Variants in ZNF606 observed in about 807,000 individuals in gnomAD.
The protein encoded by ZNF606 is zinc finger protein 606.
ZNF606 carries 37 observed loss-of-function variants against 74.9 expected under a neutral mutation model. That is an observed-to-expected ratio of 0.49 (90% CI 0.38 to 0.65). The LOEUF (loss-of-function observed/expected upper bound fraction) is 0.65. ZNF606 is among the 30% of genes least tolerant of loss of function. ZNF606 has a pLI of 0.00. For missense variants in ZNF606, 852 were observed against 952.9 expected, an observed-to-expected ratio of 0.89 and a Z score of 1.39; for synonymous variants, 328 against 312.4, an observed-to-expected ratio of 1.05 and a Z score of -0.53.
In ZNF606 at chr19:58,002,729, C is replaced by G. The variant is rs1393343985; in HGVS notation, c.-385G>C. ...GCCTCTCCCAGCCGGCTCTCCTGACCCCCCAAGCCCCGCAGCTACGGCGGC... is the reference window on the plus strand; with the variant it reads ...GCCTCTCCCAGCCGGCTCTCCTGACGCCCCAAGCCCCGCAGCTACGGCGGC... On this transcript the variant is annotated 5_prime_UTR_variant, in exon 1 of 7. Coordinates refer to ENST00000551380, the MANE Select transcript of ZNF606 (RefSeq NM_001348022.3). 6.6e-6 allele frequency: 3 copies of G among 453,904 alleles called. No homozygotes were observed. The Admixed American group carries it at 7.1e-5, about 11-fold the overall frequency. The allele number at this position is 453,904 out of a possible 1,614,324, so 28.1% of individuals were successfully genotyped here.
chr19:57,985,441 C>T (rs376792153), intron 6 of ZNF606, among the ~76,000 whole-genome samples: 1 of 152,146 alleles, frequency 6.6e-6, no homozygotes, highest in African/African-American at 2.4e-5. Context: ...CATAGTGTTA[C>T]AAAACCTCTA....
Position 57,979,338 on chromosome 19 carries a change from G to A in ZNF606, c.1342C>T (p.Arg448Trp), listed in dbSNP as rs778669433. The A allele has an allele frequency of 6.8e-6, 11 of 1,612,742 alleles. No individual in the cohort carries two copies. Among genetic ancestry groups the A allele is most frequent in the Admixed American group, 1.7e-5 (1 of 59,852 alleles). Reference protein sequence around the residue: ...RNRSALTKHERTHTGIKPYEC... With the variant: ...RNRSALTKHEWTHTGIKPYEC... ...TAGGGTTTTATTCCAGTGTGAGTCC[G>A]TTCATGTTTCGTAAGGGCTGAGCGA... Residue 448 changes from arginine to tryptophan, a missense_variant, in exon 7 of 7, where the codon CGG (arginine) becomes TGG (tryptophan). Transcript: ENST00000551380.
intron 4 of ZNF606, among the ~76,000 whole-genome samples, chr19:57,990,580 G>A (rs2073243526): frequency 7.0e-6 from 1 of 142,750 alleles, no homozygotes; most frequent in Admixed American, 7.1e-5. Flanking sequence ...CAAGACACCC[G>A]CTCAACAGAC....
intron 4 of ZNF606, among the ~76,000 whole-genome samples, chr19:57,996,394 G>A (rs1241092625): frequency 1.3e-5 from 2 of 152,156 alleles, no homozygotes; most frequent in Non-Finnish European, 2.9e-5. Context: ...TCAGCTACTC[G>A]GGAGGTTGAG....
At chr19:57,981,378 G>A (rs533185882) in intron 6 of ZNF606, among the ~76,000 whole-genome samples, 1 of 152,162 alleles carries the variant, frequency 6.6e-6, no homozygotes, top group East Asian at 1.9e-4. Context: ...AGTACTCATA[G>A]TGAATCAGTG....
intron 2 of ZNF606, 133 bp downstream of exon 2, chr19:58,001,156 C>G: frequency 1.9e-6 from 2 of 1,033,886 alleles, no homozygotes; most frequent in South Asian, 3.0e-5. Context: ...TACCACCAAT[C>G]AGTTCTAATT....
chr19:57,992,528 A>G (rs1363164005), intron 4 of ZNF606, among the ~76,000 whole-genome samples: 1 of 152,254 alleles, frequency 6.6e-6, no homozygotes, highest in African/African-American at 2.4e-5. Context: ...CATATGAAGC[A>G]TGTGCAGTGT....
At chr19:57,982,208 C>T (rs768705514) in intron 6 of ZNF606, among the ~76,000 whole-genome samples, 4 of 152,172 alleles carry the variant, frequency 2.6e-5, no homozygotes, top group Non-Finnish European at 5.9e-5. Context: ...TATCCTTGCC[C>T]TTTCCATCTT....
At chr19:58,002,839 T>A (rs1173642296), upstream of ZNF606, 3 of 444,294 alleles carry the variant, frequency 6.8e-6, no homozygotes, top group Non-Finnish European at 1.4e-5. Context: ...CCGCGGGGTC[T>A]GCTGGGAGCT....
At chr19:57,996,611 C>T (rs994209982) in intron 4 of ZNF606, among the ~76,000 whole-genome samples, 8 of 152,162 alleles carry the variant, frequency 5.3e-5, no homozygotes, top group Non-Finnish European at 1.2e-4. Context: ...TGGTGGAAGA[C>T]AGGAACCTAG....
intron 4 of ZNF606, among the ~76,000 whole-genome samples, chr19:57,997,244 G>A (rs903314912): frequency 6.6e-6 from 1 of 152,122 alleles, no homozygotes; most frequent in African/African-American, 2.4e-5. Context: ...GCTGGTTGGG[G>A]TTTTTTAGAT....
In ZNF606 at chr19:57,978,226, C is replaced by G; in HGVS notation, c.*75G>C. 1 of 1,394,696 alleles carries G rather than the reference C, an allele frequency of 7.2e-7. No homozygotes were observed. 86.4% of individuals were successfully genotyped at this position (1,394,696 alleles called of 1,614,324 possible). ...TTACTGAACTCTTAATGAAAAATGT[C>G]CCCTCTTGATTATGTTTATAGGGTT... On this transcript the variant is annotated 3_prime_UTR_variant, in exon 7 of 7. Coordinates refer to ENST00000551380, the MANE Select transcript of ZNF606 (RefSeq NM_001348022.3). This position sits in a 1 kb window ranked among gnomAD's most constrained non-coding sequence, Gnocchi z 4.4.
At chr19:57,985,832 G>A (rs1283539819) in intron 6 of ZNF606, among the ~76,000 whole-genome samples, 5 of 152,082 alleles carry the variant, frequency 3.3e-5, no homozygotes, top group African/African-American at 1.2e-4. Context: ...TACACAGGAG[G>A]CTGAGGCAGG....
chr19:57,979,627 C>T lies in ZNF606; in HGVS notation c.1053G>A (p.Glu351=), dbSNP rs777044535. The T allele has an allele frequency of 8.7e-6, 14 of 1,613,370 alleles. No individual in the cohort carries two copies. The change falls in exon 7 of 7, where the codon GAG becomes GAA. Residue 351 remains glutamate, a synonymous_variant. Transcript: ENST00000551380. The part of the protein sequence containing the change: ...GENQYNYKEY[E]NIFYFSSFME... ...TAAAGGATGAGAAATAAAAGATATT[C>T]TCATATTCTTTGTAATTATACTGGT...
Position 57,978,952 on chromosome 19 carries a change from G to A in ZNF606, c.1728C>T (p.Ser576=), listed in dbSNP as rs1286952541. 2 of 1,612,926 alleles carry A rather than the reference G, an allele frequency of 1.2e-6. No homozygotes were observed. The highest frequency in any genetic ancestry group is 1.7e-6 in the Non-Finnish European group (2 of 1,179,706). Residue 576 remains serine (S), a synonymous_variant, in exon 7 of 7, where the codon TCC becomes TCT. Coordinates refer to ENST00000551380, the MANE Select transcript of ZNF606 (RefSeq NM_001348022.3). The surrounding 1 kb of genome is among the most constrained non-coding windows in gnomAD (Gnocchi z 4.4). Reference sequence around the variant, plus strand: ...CAATAAGATGGGAGCTCCAGCTGAAGGATTTTCCACATTCAGTACATTTAT... The same window carrying A: ...CAATAAGATGGGAGCTCCAGCTGAAAGATTTTCCACATTCAGTACATTTAT... ...KPYKCTECGK[S]FSWSSHLIAH... is the part of the protein sequence containing the mutation.
intron 1 of ZNF606, chr19:58,001,916 C>G (rs2073436876): frequency 3.2e-6 from 1 of 310,746 alleles, no homozygotes; most frequent in African/African-American, 2.2e-5. Context: ...AAATTCACCT[C>G]CAAGATTTAC....
intron 6 of ZNF606, among the ~76,000 whole-genome samples, chr19:57,987,406 G>A (rs2073180281): frequency 6.6e-6 from 1 of 151,962 alleles, no homozygotes; most frequent in African/African-American, 2.4e-5. Flanking sequence ...ATAAAGCCCA[G>A]CTAAGTTTTT....
Position 57,999,797 on chromosome 19 carries a change from C to G in ZNF606, c.177+11G>C. ...ACATCATCCTCTGGGAACAGGACAG[C>G]CCCATCTCACCTGAACCTGGGCTGC... On this transcript the variant is annotated intron_variant, in intron 4 of 6. Transcript: ENST00000551380. 2 of 1,613,476 alleles carry G rather than the reference C, an allele frequency of 1.2e-6. No homozygotes were observed. The highest frequency in any genetic ancestry group is 1.7e-6 in the Non-Finnish European group (2 of 1,179,564).
chr19:57,982,942 T>C (rs1029388115), intron 6 of ZNF606, among the ~76,000 whole-genome samples: 1 of 151,838 alleles, frequency 6.6e-6, no homozygotes, highest in Admixed American at 6.6e-5. Context: ...CCCCCATCCC[T>C]GGCCCCCACG....
Sources: allele counts gnomAD v4.1 joint callset (sites outside exome capture counted in the v4.1 genomes callset), GRCh38; gene constraint gnomAD v4.1.1; non-coding constraint Gnocchi (gnomAD v3.1); transcripts MANE v1.5; gene names NCBI Gene and HGNC (gene_info 2026-07-23, HGNC 2026-07-21).